PPP2R2B: variants seen among roughly 807,000 people sequenced by gnomAD.
PPP2R2B encodes serine/threonine-protein phosphatase 2A 55 kDa regulatory subunit B beta isoform.
Under a neutral mutation model 46.0 loss-of-function variants are expected in PPP2R2B, and 5 were observed. That is an observed-to-expected ratio of 0.11 (90% confidence interval 0.06 to 0.23). The LOEUF is 0.23. Ranked by LOEUF, PPP2R2B falls within the 10% of genes least tolerant of loss-of-function variation. The pLI is 1.00. For synonymous variants in PPP2R2B, 215 were observed against 206.7 expected, an observed-to-expected ratio of 1.04 and a Z score of -0.34; for missense variants, 367 against 575.0, an observed-to-expected ratio of 0.64 and a Z score of 3.70.
intron 1 of PPP2R2B, among the ~76,000 whole-genome samples, chr5:146,996,942 G>T (rs1416121128): frequency 2.0e-5 from 3 of 152,004 alleles, no homozygotes; most frequent in Non-Finnish European, 2.9e-5. Context: ...CAACTCCTCT[G>T]CCCCACTGTC....
chr5:146,868,850 A>G (rs1458323558), intron 2 of PPP2R2B, among the ~76,000 whole-genome samples: 1 of 152,232 alleles, frequency 6.6e-6, no homozygotes, highest in Non-Finnish European at 1.5e-5. Context: ...TTAAGAATAC[A>G]GGGTTTGGAA....
At chr5:146,956,345 G>A (rs1224099492) in intron 1 of PPP2R2B, among the ~76,000 whole-genome samples, 1 of 151,992 alleles carries the variant, frequency 6.6e-6, no homozygotes, top group Non-Finnish European at 1.5e-5. Flanking sequence ...CATGCTCTTT[G>A]TTCTCCTATC....
chr5:146,837,653 C>T (rs1051458755), intron 2 of PPP2R2B, among the ~76,000 whole-genome samples: 3 of 152,068 alleles, frequency 2.0e-5, no homozygotes, highest in Non-Finnish European at 2.9e-5. Flanking sequence ...ATACCATTTC[C>T]ACATGTAATC....
At chr5:146,640,101 T>C (rs1172140989) in intron 6 of PPP2R2B, among the ~76,000 whole-genome samples, 1 of 152,258 alleles carries the variant, frequency 6.6e-6, no homozygotes, top group African/African-American at 2.4e-5. Context: ...TAATCATCTA[T>C]GATCAAACAT....
intron 1 of PPP2R2B, among the ~76,000 whole-genome samples, chr5:146,985,178 G>T (rs992686543): frequency 6.6e-6 from 1 of 151,730 alleles, no homozygotes; most frequent in Non-Finnish European, 1.5e-5. Context: ...GTGCCACCAT[G>T]CCTGGCTAGT....
At chr5:146,791,642 C>A (rs1376585935) in intron 2 of PPP2R2B, among the ~76,000 whole-genome samples, 2 of 152,180 alleles carry the variant, frequency 1.3e-5, no homozygotes, top group African/African-American at 4.8e-5. Context: ...CATTTTCATA[C>A]CTCTGTGCTT....
intron 2 of PPP2R2B, among the ~76,000 whole-genome samples, chr5:146,861,480 C>T (rs1039712937): frequency 6.6e-6 from 1 of 152,160 alleles, no homozygotes; most frequent in Non-Finnish European, 1.5e-5. Flanking sequence ...CGTGAGCCAC[C>T]GCGCCCGTCG....
chr5:146,898,427 A>C (rs1762717379), intron 1 of PPP2R2B, among the ~76,000 whole-genome samples: 1 of 152,286 alleles, frequency 6.6e-6, no homozygotes, highest in Non-Finnish European at 1.5e-5. Context: ...TCACATGTAG[A>C]AAGCTGAAAC....
intron 7 of PPP2R2B, among the ~76,000 whole-genome samples, chr5:146,601,224 A>G (rs900862567): frequency 6.6e-6 from 1 of 152,202 alleles, no homozygotes; most frequent in African/African-American, 2.4e-5. Context: ...GCTGCTAGGA[A>G]TAACACTGCT....
intron 1 of PPP2R2B, among the ~76,000 whole-genome samples, chr5:146,912,512 CTTTTTTT>C (rs58947506): frequency 6.9e-6 from 1 of 144,454 alleles, no homozygotes; most frequent in Non-Finnish European, 1.5e-5. Flanking sequence ...TTTCTTTTTT[CTTTTTTT>C]TTTTTTGTTT....
intron 2 of PPP2R2B, among the ~76,000 whole-genome samples, chr5:146,744,864 C>G (rs908950621): frequency 3.9e-5 from 6 of 152,106 alleles, no homozygotes; most frequent in Non-Finnish European, 5.9e-5. Flanking sequence ...TCACAGCCAC[C>G]CAGAACTTTC....
chr5:146,739,663 A>G (rs1453504714), intron 2 of PPP2R2B, among the ~76,000 whole-genome samples: 1 of 152,220 alleles, frequency 6.6e-6, no homozygotes, highest in Non-Finnish European at 1.5e-5. Context: ...GAAAGAAGCT[A>G]CGATTATAAT....
chr5:146,897,451 C>T (rs549357236), intron 1 of PPP2R2B, among the ~76,000 whole-genome samples: 1 of 152,324 alleles, frequency 6.6e-6, no homozygotes, highest in South Asian at 2.1e-4. Flanking sequence ...AAGTGCTCTG[C>T]ATTTTGGAAT....
At chr5:146,718,471 T>TAC (rs920075823) in intron 2 of PPP2R2B, among the ~76,000 whole-genome samples, 10 of 152,158 alleles carry the variant, frequency 6.6e-5, no homozygotes, top group Admixed American at 2.0e-4. Flanking sequence ...ATGTTGTTCT[T>TAC]ACACACACAC....
At chr5:146,782,662 T>C (rs1755602437) in intron 2 of PPP2R2B, among the ~76,000 whole-genome samples, 2 of 152,328 alleles carry the variant, frequency 1.3e-5, no homozygotes, top group African/African-American at 2.4e-5. Flanking sequence ...GTTGTTTTTT[T>C]CCTTGCCCAT....
At chr5:146,657,842 C>T (rs1359768495) in intron 5 of PPP2R2B, among the ~76,000 whole-genome samples, 2 of 152,182 alleles carry the variant, frequency 1.3e-5, no homozygotes, top group Non-Finnish European at 2.9e-5. Context: ...TAGTGTTCAA[C>T]AGATGCTCCC....
In PPP2R2B at chr5:146,794,322, C is replaced by G. The variant is rs58563475; in HGVS notation, c.70+83680G>C. The stretch of plus-strand genomic sequence containing the variant: ...GTAAATAAAATAACCTTGAACTTTG[C>G]AGAGCAAATGGTAGGTTTGCACTAA... On this transcript the variant is annotated intron_variant, in intron 2 of 9. Transcript: ENST00000394411. 6.6e-4 allele frequency among the ~76,000 whole-genome samples: 101 copies of G among 152,270 alleles called. No individual in the cohort carries two copies. In the East Asian group the frequency reaches 0.012, roughly 18 times the overall value.
At chr5:146,906,890 A>G (rs1763017426) in intron 1 of PPP2R2B, among the ~76,000 whole-genome samples, 1 of 152,242 alleles carries the variant, frequency 6.6e-6, no homozygotes, top group African/African-American at 2.4e-5. Flanking sequence ...TGAAATGTCA[A>G]TTGCACTTTA....
intron 2 of PPP2R2B, among the ~76,000 whole-genome samples, chr5:146,819,293 G>A (rs1262890941): frequency 2.6e-5 from 4 of 152,176 alleles, no homozygotes; most frequent in Non-Finnish European, 5.9e-5. Context: ...TGGGCTACAT[G>A]GAGAGTTCTC....
Sources: gnomAD v4.1 joint callset for allele counts (sites outside exome capture counted in the v4.1 genomes callset) on GRCh38, gnomAD v4.1.1 for gene constraint, MANE v1.5 for transcripts, NCBI Gene and HGNC (gene_info 2026-07-23, HGNC 2026-07-21) for gene names.